MMP16: variants seen among roughly 807,000 people sequenced by gnomAD.
The protein encoded by MMP16 is matrix metallopeptidase 16.
MMP16 carries 12 observed loss-of-function variants against 67.8 expected under a neutral mutation model. That is an observed-to-expected ratio of 0.18 (90% CI 0.11 to 0.29). The LOEUF (loss-of-function observed/expected upper bound fraction) is 0.29. Ranked by LOEUF, MMP16 falls within the 10% of genes least tolerant of loss-of-function variation. The pLI is 1.00. For synonymous variants in MMP16, 249 were observed against 255.9 expected, an observed-to-expected ratio of 0.97 and a Z score of 0.26; for missense variants, 475 against 765.7, an observed-to-expected ratio of 0.62 and a Z score of 4.48.
At chr8:88,186,353 A>G (rs1428766357) in intron 3 of MMP16, 123 bp downstream of exon 3, 1 of 1,292,168 alleles carries the variant, frequency 7.7e-7, no homozygotes, top group Non-Finnish European at 1.1e-6. Context: ...TAAATCTCTT[A>G]TGTTAACATT....
chr8:88,181,568 T>A (rs1339110686), intron 3 of MMP16, among the ~76,000 whole-genome samples: 2 of 150,976 alleles, frequency 1.3e-5, no homozygotes, highest in Admixed American at 1.3e-4. Flanking sequence ...TGAACTATAT[T>A]TTATATATTT....
intron 3 of MMP16, among the ~76,000 whole-genome samples, chr8:88,179,252 C>T (rs1808941280): frequency 6.6e-6 from 1 of 151,950 alleles, no homozygotes; most frequent in Admixed American, 6.5e-5. Context: ...GATACCAATT[C>T]TATTAAACCT....
At chr8:88,326,898 TCA>T in intron 1 of MMP16, 175 bp downstream of exon 1, 2 of 650,862 alleles carry the variant, frequency 3.1e-6, no homozygotes, top group South Asian at 2.0e-5. Context: ...ATTCTGGGTC[TCA>T]CACGCATCCG....
chr8:88,239,975 C>T (rs540260560), intron 1 of MMP16, among the ~76,000 whole-genome samples: 2 of 152,194 alleles, frequency 1.3e-5, no homozygotes, highest in East Asian at 1.9e-4. Flanking sequence ...ACATACATAC[C>T]CTTTAGCCTT....
At chr8:88,314,379 G>A (rs1200185028) in intron 1 of MMP16, among the ~76,000 whole-genome samples, 1 of 152,132 alleles carries the variant, frequency 6.6e-6, no homozygotes, top group African/African-American at 2.4e-5. Flanking sequence ...CTCCTAATTA[G>A]TGTTTTTCTG....
At chr8:88,197,389 G>C in intron 1 of MMP16, 83 bp from the exon 2 acceptor site, 2 of 1,216,866 alleles carry the variant, frequency 1.6e-6, no homozygotes, top group East Asian at 2.9e-5. Context: ...ATCTATAATA[G>C]AGTTTTGAAC....
intron 7 of MMP16, chr8:88,069,088 T>G (rs1282359250): frequency 2.7e-5 from 5 of 188,578 alleles, no homozygotes; most frequent in Non-Finnish European, 5.4e-5. Context: ...GCTTGACCAT[T>G]ACTACAAAAG....
chr8:88,083,562 G>C (rs1025494458), intron 6 of MMP16, among the ~76,000 whole-genome samples: 3 of 152,050 alleles, frequency 2.0e-5, no homozygotes, highest in East Asian at 1.9e-4. Context: ...TTAAGAGTTC[G>C]AGAGTAGTAA....
At chr8:88,162,751 T>G (rs1374088598) in intron 4 of MMP16, among the ~76,000 whole-genome samples, 2 of 151,978 alleles carry the variant, frequency 1.3e-5, no homozygotes, top group Non-Finnish European at 2.9e-5. Context: ...TGTTGAAAAG[T>G]GTGTAGCACT....
At chr8:88,092,627 T>C (rs1344657808) in intron 6 of MMP16, among the ~76,000 whole-genome samples, 1 of 151,856 alleles carries the variant, frequency 6.6e-6, no homozygotes, top group Non-Finnish European at 1.5e-5. Context: ...ACCTTATAAA[T>C]ATTTATTGCA....
intron 7 of MMP16, among the ~76,000 whole-genome samples, chr8:88,071,332 G>A (rs1156891241): frequency 6.6e-6 from 1 of 151,870 alleles, no homozygotes; most frequent in Non-Finnish European, 1.5e-5. Flanking sequence ...TGAAAACAAG[G>A]TTAATACCTT....
At chr8:88,299,723 T>C (rs1045840385) in intron 1 of MMP16, among the ~76,000 whole-genome samples, 1 of 152,190 alleles carries the variant, frequency 6.6e-6, no homozygotes, top group Non-Finnish European at 1.5e-5. Context: ...ATTTAGTCAA[T>C]TGTATCTCAG....
rs190291378 is a variant in MMP16, at chr8:88,241,682, T to G, written c.133-44376A>C. On this transcript the variant is annotated intron_variant, in intron 1 of 9. Coordinates refer to ENST00000286614, the MANE Select transcript of MMP16 (RefSeq NM_005941.5). The stretch of plus-strand genomic sequence containing the variant: ...GCTATTTAACATACACATTATCTCA[T>G]GTACTTATCACTTTTTGGTGAGAAC... Among the ~76,000 whole-genome samples the G allele has an allele frequency of 9.9e-5, 15 of 152,236 alleles. No homozygotes were observed. In the East Asian group the frequency reaches 2.1e-3, roughly 22 times the overall value.
chr8:88,196,982 C>A (rs1220028851), intron 2 of MMP16, among the ~76,000 whole-genome samples, 176 bp downstream of exon 2: 3 of 152,052 alleles, frequency 2.0e-5, no homozygotes, highest in African/African-American at 7.2e-5. Context: ...GACATTGGGC[C>A]TTAAATATCT....
At chr8:88,224,151 C>T (rs187058636) in intron 1 of MMP16, among the ~76,000 whole-genome samples, 290 of 152,142 alleles carry the variant, frequency 1.9e-3, no homozygotes, top group Admixed American at 3.6e-3. Context: ...AAATTTAAAA[C>T]GCCACTGTTG....
rs923237794 is a variant in MMP16 at position 88,032,671 on chromosome 8, C to T, written c.*8790G>A. On this transcript the variant is annotated 3_prime_UTR_variant, in exon 10 of 10. Transcript: ENST00000286614. Reference sequence around the variant, plus strand: ...ATTTATTTAGCCTTATATTTGCACACAAACAAGCTTTGTGTTTGTCAGTAG... The same window carrying T: ...ATTTATTTAGCCTTATATTTGCACATAAACAAGCTTTGTGTTTGTCAGTAG... 1.3e-5 allele frequency: 2 copies of T among 150,912 alleles called. No individual in the cohort carries two copies. The highest frequency in any genetic ancestry group is 3.4e-3 in the Middle Eastern group (1 of 294). 9.3% of individuals were successfully genotyped at this position (150,912 alleles called of 1,614,324 possible). A position where few individuals can be genotyped will look rare whatever the true frequency, so the allele number is the denominator to read the frequency against.
At chr8:88,197,679 T>C (rs569705008) in intron 1 of MMP16, among the ~76,000 whole-genome samples, 38 of 152,176 alleles carry the variant, frequency 2.5e-4, no homozygotes, top group Non-Finnish European at 4.7e-4. Context: ...TATGACTCTA[T>C]TGAGATGTTT....
chr8:88,100,851 A>G, intron 6 of MMP16, among the ~76,000 whole-genome samples: 1 of 151,992 alleles, frequency 6.6e-6, no homozygotes, highest in Non-Finnish European at 1.5e-5. Flanking sequence ...GCTGGAAAGT[A>G]TCATTCTCAG....
rs1463419619 is a variant in MMP16 at position 88,181,469 on chromosome 8, C to A, written c.404+5007G>T. Among the ~76,000 whole-genome samples, 4 of 151,616 alleles carry A rather than the reference C, an allele frequency of 2.6e-5. No homozygotes were observed. In the East Asian group the frequency reaches 7.7e-4, roughly 29 times the overall value. ...AAAAGTAAAATACTTAGAAATAAAT[C>A]TATCAAAATATGCATATGAGGAAAA... On this transcript the variant is annotated intron_variant, in intron 3 of 9. Transcript: ENST00000286614.
Sources: allele counts gnomAD v4.1 joint callset (sites outside exome capture counted in the v4.1 genomes callset), GRCh38; gene constraint gnomAD v4.1.1; transcripts MANE v1.5; gene names NCBI Gene and HGNC (gene_info 2026-07-23, HGNC 2026-07-21).